CUX1: variants seen among roughly 807,000 people sequenced by gnomAD.
CUX1 encodes protein CASP.
A neutral mutation model predicts 158.8 loss-of-function variants in CUX1; 31 were observed. The ratio of observed to expected loss-of-function variants is 0.20; its 90% CI spans 0.15 to 0.26. The LOEUF (loss-of-function observed/expected upper bound fraction) is 0.26, where lower values mean the gene tolerates loss of function less well. Among genes scored for constraint, CUX1 ranks in the 10% least tolerant of loss-of-function variants. The pLI, the probability that CUX1 is intolerant of heterozygous loss-of-function variation, is 1.00. For synonymous variants in CUX1, 879 were observed against 862.1 expected, an observed-to-expected ratio of 1.02 and a Z score of -0.34; for missense variants, 1,589 against 2,014.6, an observed-to-expected ratio of 0.79 and a Z score of 4.04.
chr7:101,860,735 C>CCTTCCTTCCTTCCTT (rs1554397513), intron 1 of CUX1, among the ~76,000 whole-genome samples: 1 of 90,442 alleles, frequency 1.1e-5, no homozygotes, highest in Non-Finnish European at 2.3e-5. Context: ...TCCCCTTCCT[C>CCTTCCTTCCTTCCTT]CCTTCCTTCC....
intron 15 of CUX1, 100 bp from the exon 16 acceptor site, chr7:102,198,701 CT>C: frequency 9.5e-7 from 1 of 1,057,758 alleles, no homozygotes; most frequent in Non-Finnish European, 1.5e-6. Flanking sequence ...TGAGCCCTTT[CT>C]TTAGTGACAG....
At chr7:101,909,219 C>T (rs1006815343) in intron 1 of CUX1, among the ~76,000 whole-genome samples, 11 of 146,292 alleles carry the variant, frequency 7.5e-5, no homozygotes, top group South Asian at 2.2e-4. Flanking sequence ...GAGGCCGAGG[C>T]GGGAGGATCT....
At chr7:102,158,692 A>G (rs1790069101) in intron 9 of CUX1, 84 bp downstream of exon 9, 2 of 1,318,230 alleles carry the variant, frequency 1.5e-6, no homozygotes, top group Non-Finnish European at 2.2e-6. Flanking sequence ...ACCCGAAGTT[A>G]GAAGGCCGGT....
intron 1 of CUX1, among the ~76,000 whole-genome samples, chr7:101,914,965 G>C (rs775137412): frequency 4.9e-4 from 74 of 152,162 alleles, no homozygotes; most frequent in Non-Finnish European, 7.6e-4. Flanking sequence ...TGGGTGGTGG[G>C]GGGTGGAGAA....
intron 2 of CUX1, among the ~76,000 whole-genome samples, chr7:101,986,074 T>C (rs1161628438): frequency 6.6e-6 from 1 of 151,616 alleles, no homozygotes; most frequent in Non-Finnish European, 1.5e-5. Flanking sequence ...AAGCCTGGAG[T>C]TGTTAAGCTG....
intron 1 of CUX1, chr7:101,913,286 C>T (rs1481134063): frequency 1.9e-5 from 19 of 1,001,130 alleles, no homozygotes; most frequent in Middle Eastern, 2.5e-4. Flanking sequence ...GGTGGCGGCT[C>T]GGTGTTAAAT....
At chr7:102,033,815 AACAAG>A (rs541050684) in intron 3 of CUX1, among the ~76,000 whole-genome samples, 153 of 152,256 alleles carry the variant, frequency 1.0e-3, no homozygotes, top group Non-Finnish European at 1.8e-3. Flanking sequence ...TTGATACCAA[AACAAG>A]ACAAGAACAG....
chr7:102,275,881 C>T (rs1791571618), intron 17 of CUX1, among the ~76,000 whole-genome samples: 1 of 152,026 alleles, frequency 6.6e-6, no homozygotes, highest in South Asian at 2.1e-4. Context: ...TGGTGGCGGG[C>T]ACCTGTAGTC....
intron 1 of CUX1, among the ~76,000 whole-genome samples, chr7:101,908,450 T>TTTTGTTTG (rs59267502): frequency 0.08 from 12,004 of 150,244 alleles, 1,484 homozygotes; most frequent in East Asian, 0.55. Flanking sequence ...CCAGCCTGTT[T>TTTTGTTTG]TTTGTTTGTT....
chr7:102,030,689 G>GTTTTTTTTTTTTTTTTTTTTTTTTTTTTT (rs1585341128), intron 3 of CUX1, among the ~76,000 whole-genome samples: 2 of 82,538 alleles, frequency 2.4e-5, no homozygotes, highest in Admixed American at 3.1e-4. Flanking sequence ...ATTTTAAAAA[G>GTTTTTTTTTTTTTTTTTTTTTTTTTTTTT]TGTTTTTTTT....
chr7:102,274,383 C>T (rs1791449300), intron 16 of CUX1: 1 of 1,327,792 alleles, frequency 7.5e-7, no homozygotes, highest in Non-Finnish European at 1.1e-6. Flanking sequence ...CCTGAGAACA[C>T]AGATCCCCAA....
chr7:102,274,995 G>A (rs782294507), intron 16 of CUX1, among the ~76,000 whole-genome samples: 3 of 152,292 alleles, frequency 2.0e-5, no homozygotes, highest in Non-Finnish European at 1.5e-5. Flanking sequence ...CAGCGCAGAC[G>A]GGGGTGCTGG....
At chr7:102,030,689 G>GTGTTTTTTTTTTTTTTTTTT (rs1554459461) in intron 3 of CUX1, among the ~76,000 whole-genome samples, 8 of 82,532 alleles carry the variant, frequency 9.7e-5, no homozygotes, top group Non-Finnish European at 1.5e-4. Context: ...ATTTTAAAAA[G>GTGTTTTTTTTTTTTTTTTTT]TGTTTTTTTT....
At chr7:102,049,232 C>T (rs892601532) in intron 3 of CUX1, among the ~76,000 whole-genome samples, 19 of 152,200 alleles carry the variant, frequency 1.2e-4, no homozygotes, top group African/African-American at 3.6e-4. Context: ...GCAGACTCAG[C>T]GCAGCCCTTT....
At chr7:102,057,403 G>A (rs746503766) in intron 3 of CUX1, among the ~76,000 whole-genome samples, 1 of 152,122 alleles carries the variant, frequency 6.6e-6, no homozygotes, top group Non-Finnish European at 1.5e-5. Context: ...TGCCATAGAT[G>A]GTGATTCCTC....
intron 2 of CUX1, among the ~76,000 whole-genome samples, chr7:101,975,734 G>A (rs796966113): frequency 6.6e-6 from 1 of 152,204 alleles, no homozygotes; most frequent in Non-Finnish European, 1.5e-5. Flanking sequence ...GAGGTTGGCT[G>A]TCTTTCCGTG....
intron 11 of CUX1, among the ~76,000 whole-genome samples, chr7:102,186,595 A>ATATATT (rs1554515377): frequency 7.8e-6 from 1 of 128,556 alleles, no homozygotes; most frequent in African/African-American, 2.9e-5. Context: ...ATATATATAT[A>ATATATT]TTTTTTTTTA....
rs1563287892 is a variant in CUX1, at chr7:102,132,183, CGGGT to C, written c.674+16913_674+16916del. ...ATGGGCGGGTGGATAGATGGATGGG[CGGGT>C]GGATAGATGGATGGGCGGGTGGATA... On this transcript the variant is annotated intron_variant, in intron 8 of 23. Transcript: ENST00000292535. Among the ~76,000 whole-genome samples, 74 of 141,864 alleles carry C rather than the reference CGGGT, an allele frequency of 5.2e-4. 1 individual carries two copies. In the South Asian group the frequency reaches 9.8e-3, roughly 19 times the overall value. 93.1% of individuals were successfully genotyped at this position (141,864 alleles called of 152,430 possible).
At chr7:102,279,671 T>C (rs896549961) in intron 18 of CUX1, among the ~76,000 whole-genome samples, 9 of 152,112 alleles carry the variant, frequency 5.9e-5, no homozygotes, top group Admixed American at 5.2e-4. Flanking sequence ...CCAGCCTGGC[T>C]CTGGGTGGCC....
Sources: allele counts gnomAD v4.1 joint callset (sites outside exome capture counted in the v4.1 genomes callset), GRCh38; gene constraint gnomAD v4.1.1; transcripts MANE v1.5; gene names NCBI Gene and HGNC (gene_info 2026-07-23, HGNC 2026-07-21).